The following CREB3L1 variants were observed in gnomAD, a reference collection of about 807,000 sequenced individuals.
CREB3L1 encodes the protein cyclic AMP-responsive element-binding protein 3-like protein 1.
Under a neutral mutation model 54.5 loss-of-function variants are expected in CREB3L1, and 33 were observed. The observed-to-expected ratio is 0.61, with a 90% CI of 0.46 to 0.81. CREB3L1 has a LOEUF of 0.81. Ranked by LOEUF, CREB3L1 falls within the 30% of genes least tolerant of loss-of-function variation. The pLI is 0.00. For missense variants in CREB3L1, 656 were observed against 673.3 expected, an observed-to-expected ratio of 0.97 and a Z score of 0.29; for synonymous variants, 284 against 286.4, an observed-to-expected ratio of 0.99 and a Z score of 0.08.
intron 1 of CREB3L1, among the ~76,000 whole-genome samples, chr11:46,285,703 T>TTGGTTCG (rs1555221462): frequency 6.6e-6 from 1 of 152,178 alleles, no homozygotes; most frequent in Non-Finnish European, 1.5e-5. Flanking sequence ...TCCTTGGCCG[T>TTGGTTCG]TGGCTCGTGG....
intron 1 of CREB3L1, among the ~76,000 whole-genome samples, chr11:46,279,793 C>A (rs1167601056): frequency 1.3e-5 from 2 of 152,104 alleles, no homozygotes; most frequent in Non-Finnish European, 2.9e-5. Flanking sequence ...GGCAGTAGAG[C>A]CCTGCAGTAA....
chr11:46,279,636 T>A (rs748543376), intron 1 of CREB3L1, among the ~76,000 whole-genome samples: 7 of 152,112 alleles, frequency 4.6e-5, no homozygotes, highest in Non-Finnish European at 1.0e-4. Context: ...AGAGGTTGGA[T>A]CAGGTCTTCC....
At chr11:46,319,708 G>A (rs145054300) in intron 10 of CREB3L1, among the ~76,000 whole-genome samples, 13,397 of 151,982 alleles carry the variant, frequency 0.088, 791 homozygotes, top group Middle Eastern at 0.18. Context: ...GTGAAACCCC[G>A]TCTCTACTAA....
At chr11:46,299,678 G>A (rs1939264880) in intron 1 of CREB3L1, among the ~76,000 whole-genome samples, 1 of 152,178 alleles carries the variant, frequency 6.6e-6, no homozygotes, top group African/African-American at 2.4e-5. Flanking sequence ...AGATAACAAT[G>A]GTGAGCGTGG....
chr11:46,304,852 C>T lies in CREB3L1; in HGVS notation c.332-2964C>T, dbSNP rs536160684. Among the ~76,000 whole-genome samples, 7 of 152,254 alleles carry T rather than the reference C, an allele frequency of 4.6e-5. No homozygotes were observed. In the East Asian group the frequency reaches 7.8e-4, roughly 17 times the overall value. On this transcript the variant is annotated intron_variant, in intron 2 of 11. Coordinates refer to ENST00000621158, the MANE Select transcript of CREB3L1 (RefSeq NM_052854.4). ...GATTACAGGCATGAGCCACCACACC[C>T]AGCTCCCACGTCTATTTTTAAAGCA...
At chr11:46,289,924 C>T (rs573556190) in intron 1 of CREB3L1, among the ~76,000 whole-genome samples, 3 of 152,272 alleles carry the variant, frequency 2.0e-5, no homozygotes, top group Middle Eastern at 3.4e-3. Context: ...AGGAGGCCTG[C>T]GGTCCATCAG....
intron 1 of CREB3L1, among the ~76,000 whole-genome samples, chr11:46,285,785 A>T (rs1004810765): frequency 6.6e-6 from 1 of 152,216 alleles, no homozygotes; most frequent in Non-Finnish European, 1.5e-5. Context: ...GCGGTCCGAC[A>T]TAACAGCTGG....
intron 3 of CREB3L1, among the ~76,000 whole-genome samples, chr11:46,309,242 G>A (rs1167085199): frequency 2.6e-5 from 4 of 152,090 alleles, no homozygotes; most frequent in Non-Finnish European, 4.4e-5. Context: ...TGGATTCTGC[G>A]TCCCACCCAC....
At chr11:46,306,968 G>A (rs1306718959) in intron 2 of CREB3L1, among the ~76,000 whole-genome samples, 3 of 151,752 alleles carry the variant, frequency 2.0e-5, no homozygotes, top group Non-Finnish European at 4.4e-5. Context: ...CTGCCTCCCG[G>A]GTTCAAGTGA....
Position 46,300,013 on chromosome 11 carries a change from G to A in CREB3L1, c.181G>A (p.Asp61Asn), listed in dbSNP as rs1939271874. Residue 61 changes from aspartate to asparagine, a missense_variant, in exon 2 of 12, where the codon GAC (aspartate) becomes AAC (asparagine). Coordinates refer to ENST00000621158, the MANE Select transcript of CREB3L1 (RefSeq NM_052854.4). Reference sequence around the variant, plus strand: ...TGACCTGTTCAGCAGCTTCTTTGATGACCCTGTGCTGGATGAGAAGAGCCC... The same window carrying A: ...TGACCTGTTCAGCAGCTTCTTTGATAACCCTGTGCTGGATGAGAAGAGCCC... ...SNDLFSSFFDDPVLDEKSPLL... is the reference protein window; with the variant it reads ...SNDLFSSFFDNPVLDEKSPLL... The A allele has an allele frequency of 1.2e-6, 2 of 1,613,960 alleles. No individual in the cohort carries two copies. Among genetic ancestry groups the A allele is most frequent in the Non-Finnish European group, 1.7e-6 (2 of 1,179,876 alleles).
At chr11:46,281,264 T>C (rs1938967303) in intron 1 of CREB3L1, among the ~76,000 whole-genome samples, 1 of 152,188 alleles carries the variant, frequency 6.6e-6, no homozygotes, top group Admixed American at 6.5e-5. Context: ...TCTGTGGTCC[T>C]TCAGCCCCTT....
In CREB3L1 at chr11:46,321,024, C is replaced by T; in HGVS notation, c.*278C>T. 1 of 612,814 alleles carries T rather than the reference C, an allele frequency of 1.6e-6. No homozygotes were observed. Among genetic ancestry groups the T allele is most frequent in the Non-Finnish European group, 3.0e-6 (1 of 333,060 alleles). The allele number at this position is 612,814 out of a possible 1,614,324, so 38.0% of individuals were successfully genotyped here. A position where few individuals can be genotyped will look rare whatever the true frequency, so the allele number is the denominator to read the frequency against. The stretch of plus-strand genomic sequence containing the variant: ...TCCTCTCTCATATGCCCAACACGAC[C>T]ACTGCCTCCCTGCCCCCACACCTGC... On this transcript the variant is annotated 3_prime_UTR_variant, in exon 12 of 12. Coordinates refer to ENST00000621158, the MANE Select transcript of CREB3L1 (RefSeq NM_052854.4).
rs752892033 is a variant in CREB3L1, at chr11:46,278,140, C to A, written c.29C>A (p.Ala10Asp). 1.9e-6 allele frequency: 3 copies of A among 1,565,744 alleles called. No individual in the cohort carries two copies. The highest frequency in any genetic ancestry group is 2.4e-5 in the East Asian group (1 of 41,722). The stretch of plus-strand genomic sequence containing the variant: ...GACGCCGTCTTGGAACCCTTCCCGG[C>A]CGACAGGCTGTTCCCCGGATCCAGC... MDAVLEPFP[A>D]DRLFPGSSFL... Residue 10 changes from alanine (A) to aspartate (D), a missense_variant, in exon 1 of 12, where the codon GCC becomes GAC. Physicochemically the swap from Ala to Asp is moderately radical, Grantham distance 126 (BLOSUM62 -2). Around this residue, in one of 3 missense-constraint regions of CREB3L1, gnomAD observed 339 missense variants for 331.5 expected, o/e 1.02. Coordinates refer to ENST00000621158, the MANE Select transcript of CREB3L1 (RefSeq NM_052854.4). This position sits in a 1 kb window ranked among gnomAD's most constrained non-coding sequence, Gnocchi z 4.2.
intron 1 of CREB3L1, among the ~76,000 whole-genome samples, chr11:46,288,724 T>C (rs1939091786): frequency 6.6e-6 from 1 of 152,150 alleles, no homozygotes; most frequent in Admixed American, 6.5e-5. Flanking sequence ...ATATTTTGTA[T>C]CTGGCCCTGG....
chr11:46,284,856 A>C (rs186885730), intron 1 of CREB3L1, among the ~76,000 whole-genome samples: 1 of 152,308 alleles, frequency 6.6e-6, no homozygotes, highest in African/African-American at 2.4e-5. Flanking sequence ...AGGAAAATTC[A>C]GGATCTTTCA....
chr11:46,284,088 T>C lies in CREB3L1; in HGVS notation c.102+5875T>C, dbSNP rs147188177. 3.5e-3 allele frequency among the ~76,000 whole-genome samples: 540 copies of C among 152,270 alleles called. 1 individual carries two copies. Among genetic ancestry groups the C allele is most frequent in the African/African-American group, 0.012 (517 of 41,538 alleles). ...CTCATTCATTAATACACATGTCCAT[T>C]CCTTCAGCAACTGGGCACTGAAGGA... On this transcript the variant is annotated intron_variant, in intron 1 of 11. Coordinates refer to ENST00000621158, the MANE Select transcript of CREB3L1 (RefSeq NM_052854.4).
chr11:46,306,893 T>G (rs76604109), intron 2 of CREB3L1, among the ~76,000 whole-genome samples: 1 of 151,606 alleles, frequency 6.6e-6, no homozygotes. Context: ...TTTTTTTTTT[T>G]CAGACAGAGT....
chr11:46,305,698 G>GTGTATA (rs1555222412), intron 2 of CREB3L1, among the ~76,000 whole-genome samples: 7 of 104,592 alleles, frequency 6.7e-5, no homozygotes, highest in East Asian at 2.3e-4. Flanking sequence ...ATATGTGTGT[G>GTGTATA]TGTGTGTGTG....
Position 46,317,425 on chromosome 11 carries a change from C to T in CREB3L1, c.1196C>T (p.Ser399Phe), listed in dbSNP as rs748940601. Reference sequence around the variant, plus strand: ...GTGCCCTGCCTTCCCGAGTTCTCCTCCGGCTCCCAGACTGTGAAGGAAGAC... The same window carrying T: ...GTGCCCTGCCTTCCCGAGTTCTCCTTCGGCTCCCAGACTGTGAAGGAAGAC... ...SLVPCLPEFS[S>F]GSQTVKEDPL... is the part of the protein sequence containing the mutation. The change falls in exon 10 of 12, where the codon TCC (serine) becomes TTC (phenylalanine). Residue 399 changes from serine (S) to phenylalanine (F), a missense_variant. Transcript: ENST00000621158. 10 of 1,613,596 alleles carry T rather than the reference C, an allele frequency of 6.2e-6. No individual in the cohort carries two copies. The highest frequency in any genetic ancestry group is 8.5e-6 in the Non-Finnish European group (10 of 1,179,894).
Sources: gnomAD v4.1 joint callset for allele counts (sites outside exome capture counted in the v4.1 genomes callset) on GRCh38, gnomAD v4.1.1 for gene constraint, gnomAD v4.1.1 regional missense constraint, Gnocchi (gnomAD v3.1) non-coding constraint, MANE v1.5 for transcripts, NCBI Gene and HGNC (gene_info 2026-07-23, HGNC 2026-07-21) for gene names.